Variants in PDIA5 observed in about 807,000 individuals in gnomAD.
PDIA5 encodes the protein protein disulfide isomerase family A member 5.
In PDIA5, 58 loss-of-function variants were observed where a neutral mutation model predicts 77.6. That is an observed-to-expected ratio of 0.75 (90% CI 0.61 to 0.93). The LOEUF (loss-of-function observed/expected upper bound fraction) is 0.93. Ranked by LOEUF, PDIA5 falls within the 40% of genes least tolerant of loss-of-function variation. The pLI, the probability that PDIA5 is intolerant of heterozygous loss-of-function variation, is 0.00. For synonymous variants in PDIA5, 250 were observed against 252.1 expected, an observed-to-expected ratio of 0.99 and a Z score of 0.08; for missense variants, 630 against 647.7, an observed-to-expected ratio of 0.97 and a Z score of 0.30.
At chr3:123,153,719 G>T (rs754034142) in intron 14 of PDIA5, among the ~76,000 whole-genome samples, 1 of 152,222 alleles carries the variant, frequency 6.6e-6, no homozygotes. Context: ...GCCAGGCCAT[G>T]TGGGTGGTCC....
intron 11 of PDIA5, among the ~76,000 whole-genome samples, chr3:123,137,195 A>G (rs530091659): frequency 6.6e-5 from 10 of 152,224 alleles, no homozygotes; most frequent in Non-Finnish European, 1.3e-4. Context: ...AGCCATGGAT[A>G]CTATCTGCCT....
intron 3 of PDIA5, among the ~76,000 whole-genome samples, chr3:123,094,440 C>T (rs184595569): frequency 1.3e-4 from 20 of 152,328 alleles, no homozygotes; most frequent in African/African-American, 2.2e-4. Context: ...GCAGCTGTCA[C>T]GAACCACTGT....
At chr3:123,068,596 T>C (rs1317567862) in intron 1 of PDIA5, among the ~76,000 whole-genome samples, 3 of 152,206 alleles carry the variant, frequency 2.0e-5, no homozygotes, top group African/African-American at 7.2e-5. Context: ...TTGGGCTGAG[T>C]AGGAGGTCCT....
chr3:123,131,752 C>G (rs1179908795), intron 11 of PDIA5, among the ~76,000 whole-genome samples: 1 of 151,890 alleles, frequency 6.6e-6, no homozygotes, highest in African/African-American at 2.4e-5. Flanking sequence ...GGAGCAGTGT[C>G]TTCCTACTCC....
intron 1 of PDIA5, among the ~76,000 whole-genome samples, chr3:123,079,642 G>A (rs887485954): frequency 2.0e-5 from 3 of 152,148 alleles, no homozygotes; most frequent in African/African-American, 7.2e-5. Flanking sequence ...TGAGTCATAC[G>A]TGTGTCAGAC....
At chr3:123,089,453 A>G (rs1395737565) in intron 2 of PDIA5, among the ~76,000 whole-genome samples, 159 bp downstream of exon 2, 1 of 152,344 alleles carries the variant, frequency 6.6e-6, no homozygotes, top group East Asian at 1.9e-4. Context: ...GCAGAGGCAC[A>G]CAGAGGCATT....
chr3:123,156,880 G>A (rs1024006043), intron 15 of PDIA5, among the ~76,000 whole-genome samples: 2 of 152,222 alleles, frequency 1.3e-5, no homozygotes, highest in East Asian at 1.9e-4. Flanking sequence ...AGGCTGTCCT[G>A]TGGCCTGACC....
chr3:123,091,202 A>G (rs181655097), intron 2 of PDIA5, among the ~76,000 whole-genome samples: 1 of 152,006 alleles, frequency 6.6e-6, no homozygotes, highest in Non-Finnish European at 1.5e-5. Context: ...GACTCCATGC[A>G]TGTCTCTTGA....
Position 123,146,197 on chromosome 3 carries a change from T to G in PDIA5, c.1080T>G (p.Asn360Lys). 6.2e-7 allele frequency: 1 copy of G among 1,613,968 alleles called. No individual in the cohort carries two copies. The highest frequency in any genetic ancestry group is 8.5e-7 in the Non-Finnish European group (1 of 1,179,820). Residue 360 changes from asparagine (N) to lysine (K), a missense_variant, in exon 13 of 17, where the codon AAT becomes AAG. Transcript: ENST00000316218. ...SEFPTLKYFK[N>K]GEKYAVPVLR... ...TTCCTACGTTGAAGTATTTTAAGAA[T>G]GGAGAGAAATACGCAGTGCCTGTGC... is the stretch of plus-strand genomic sequence containing the variant.
chr3:123,116,271 G>A lies in PDIA5; in HGVS notation c.582G>A (p.Lys194=). 1 of 1,613,986 alleles carries A rather than the reference G, an allele frequency of 6.2e-7. No homozygotes were observed. Among genetic ancestry groups the A allele is most frequent in the Non-Finnish European group, 8.5e-7 (1 of 1,180,024 alleles). ...AGAGGATGATGCCGCATTTCCAGAA[G>A]GCTGCGACTCAGCTGCGAGGCCACG... ...MCKRMMPHFQ[K]AATQLRGHAV... The change falls in exon 8 of 17, where the codon AAG becomes AAA. Residue 194 remains lysine, a synonymous_variant. Transcript: ENST00000316218.
Position 123,159,068 on chromosome 3 carries a change from A to T in PDIA5, c.1345-2253A>T, listed in dbSNP as rs555446482. ...TATACATTTCTAATTTAGTAGATTT[A>T]TAAAACCATACACTATATTTCCAAT... is the stretch of plus-strand genomic sequence containing the variant. On this transcript the variant is annotated intron_variant, in intron 15 of 16. Transcript: ENST00000316218. Among the ~76,000 whole-genome samples, 4 of 152,390 alleles carry T rather than the reference A, an allele frequency of 2.6e-5. No individual in the cohort carries two copies. The East Asian group carries it at 7.7e-4, about 29-fold the overall frequency.
intron 14 of PDIA5, among the ~76,000 whole-genome samples, chr3:123,151,604 C>G (rs905210410): frequency 6.6e-6 from 1 of 152,242 alleles, no homozygotes; most frequent in Non-Finnish European, 1.5e-5. Context: ...GACTGAGGGG[C>G]CTTCATAGCA....
At chr3:123,069,755 G>A (rs1007917908) in intron 1 of PDIA5, among the ~76,000 whole-genome samples, 2 of 152,060 alleles carry the variant, frequency 1.3e-5, no homozygotes, top group African/African-American at 4.8e-5. Context: ...CACTTTGGGG[G>A]TTAGGATTTT....
intron 1 of PDIA5, among the ~76,000 whole-genome samples, chr3:123,077,583 CAA>C (rs1491019246): frequency 6.8e-6 from 1 of 146,662 alleles, no homozygotes; most frequent in Non-Finnish European, 1.5e-5. Context: ...CACACACACA[CAA>C]CAATATCACC....
chr3:123,102,299 T>C, intron 3 of PDIA5, 112 bp from the exon 4 acceptor site: 1 of 774,656 alleles, frequency 1.3e-6, no homozygotes, highest in Non-Finnish European at 2.3e-6. Flanking sequence ...TCATCTGCTA[T>C]TGAGAATTCC....
rs147701947 is a variant in PDIA5, at chr3:123,074,996, G to GTTAA, written c.42+7791_42+7794dup. 7.3e-4 allele frequency among the ~76,000 whole-genome samples: 111 copies of GTTAA among 152,284 alleles called. 1 individual carries two copies. The East Asian group carries it at 0.02, about 28-fold the overall frequency. On this transcript the variant is annotated intron_variant, in intron 1 of 16. Transcript: ENST00000316218. ...TTTTTTATGGGCCATACTTTGTAAAGTTAAGTAGGATGCAAATTATTTCTG... is the reference window on the plus strand; with the variant it reads ...TTTTTTATGGGCCATACTTTGTAAAGTTAATTAAGTAGGATGCAAATTATTTCTG...
chr3:123,109,235 C>A (rs1934809941), intron 6 of PDIA5, among the ~76,000 whole-genome samples: 1 of 152,120 alleles, frequency 6.6e-6, no homozygotes, highest in Non-Finnish European at 1.5e-5. Flanking sequence ...ATGAAAAGTT[C>A]CAAATTCAAG....
chr3:123,135,963 T>C (rs542784411), intron 11 of PDIA5, among the ~76,000 whole-genome samples: 62 of 152,202 alleles, frequency 4.1e-4, no homozygotes, highest in African/African-American at 9.9e-4. Context: ...TTCTGTTTTT[T>C]TTCTTTTCTT....
chr3:123,080,107 A>G (rs1478652132), intron 1 of PDIA5, among the ~76,000 whole-genome samples: 5 of 150,572 alleles, frequency 3.3e-5, no homozygotes, highest in African/African-American at 1.2e-4. Flanking sequence ...CCTAAAAGAG[A>G]CGTGTTTGCT....
Sources: gnomAD v4.1 joint callset for allele counts (sites outside exome capture counted in the v4.1 genomes callset) on GRCh38, gnomAD v4.1.1 for gene constraint, MANE v1.5 for transcripts, NCBI Gene and HGNC (gene_info 2026-07-23, HGNC 2026-07-21) for gene names.